NRXN3: variants seen among roughly 807,000 people sequenced by gnomAD.
NRXN3 encodes the protein neurexin III.
Under a neutral mutation model 137.6 loss-of-function variants are expected in NRXN3, and 32 were observed. The ratio of observed to expected loss-of-function variants is 0.23; its 90% confidence interval spans 0.18 to 0.31. The LOEUF (loss-of-function observed/expected upper bound fraction) is 0.31, where lower values mean the gene tolerates loss of function less well. Among genes scored for constraint, NRXN3 ranks in the 10% least tolerant of loss-of-function variants. The pLI is 1.00. For missense variants in NRXN3, 1,574 were observed against 2,062.5 expected, an observed-to-expected ratio of 0.76 and a Z score of 4.59; for synonymous variants, 798 against 784.5, an observed-to-expected ratio of 1.02 and a Z score of -0.29.
At chr14:78,190,052 G>A (rs1008844515) in intron 1 of NRXN3, among the ~76,000 whole-genome samples, 6 of 152,228 alleles carry the variant, frequency 3.9e-5, no homozygotes, top group African/African-American at 1.4e-4. Flanking sequence ...CTGAAGGCTG[G>A]TTGGGGCTTT....
intron 15 of NRXN3, among the ~76,000 whole-genome samples, chr14:79,169,542 T>A (rs1219961920): frequency 6.6e-6 from 1 of 152,132 alleles, no homozygotes; most frequent in Non-Finnish European, 1.5e-5. Context: ...CTTACCTTTG[T>A]CACTTTCGTC....
At chr14:78,392,230 C>A (rs1055804872) in intron 4 of NRXN3, among the ~76,000 whole-genome samples, 1 of 152,202 alleles carries the variant, frequency 6.6e-6, no homozygotes, top group Non-Finnish European at 1.5e-5. Context: ...GCCTAACCAT[C>A]CATGGCTCCA....
At chr14:79,450,805 G>T (rs962224596) in intron 15 of NRXN3, among the ~76,000 whole-genome samples, 1 of 151,944 alleles carries the variant, frequency 6.6e-6, no homozygotes, top group Non-Finnish European at 1.5e-5. Flanking sequence ...GACAGAGGTT[G>T]CAGTGGGCCG....
intron 14 of NRXN3, among the ~76,000 whole-genome samples, chr14:78,977,994 A>G (rs1164345514): frequency 6.6e-6 from 1 of 152,190 alleles, no homozygotes; most frequent in East Asian, 1.9e-4. Flanking sequence ...AAGCCATCTC[A>G]GTCAACCAAT....
chr14:78,174,420 G>A (rs1039865735), intron 1 of NRXN3, among the ~76,000 whole-genome samples: 2 of 152,098 alleles, frequency 1.3e-5, no homozygotes, highest in East Asian at 1.9e-4. Flanking sequence ...TGGGAGGATG[G>A]AACAATGTCT....
chr14:79,318,388 C>A (rs1300914211), intron 15 of NRXN3, among the ~76,000 whole-genome samples: 1 of 152,174 alleles, frequency 6.6e-6, no homozygotes, highest in African/African-American at 2.4e-5. Context: ...GGTCCTGACC[C>A]AGAAACAACA....
At chr14:79,284,343 C>CATATAT (rs60596302) in intron 15 of NRXN3, among the ~76,000 whole-genome samples, 3,720 of 64,788 alleles carry the variant, frequency 0.057, 312 homozygotes, top group Non-Finnish European at 0.071. Flanking sequence ...ACTAAAAATA[C>CATATAT]ATATATATAT....
intron 6 of NRXN3, among the ~76,000 whole-genome samples, chr14:78,707,755 C>T (rs1355349267): frequency 6.6e-6 from 1 of 152,146 alleles, no homozygotes. Flanking sequence ...ATTCTTATGC[C>T]TTTGCGTCTT....
chr14:78,789,311 C>G (rs1218451128), intron 8 of NRXN3, among the ~76,000 whole-genome samples: 2 of 152,090 alleles, frequency 1.3e-5, no homozygotes, highest in African/African-American at 2.4e-5. Context: ...CATTTCTTTC[C>G]ATATGCTCTA....
chr14:78,613,409 C>T (rs186014225), intron 4 of NRXN3, among the ~76,000 whole-genome samples: 4 of 152,062 alleles, frequency 2.6e-5, no homozygotes, highest in Admixed American at 2.6e-4. Flanking sequence ...GAAATTATCC[C>T]CATTATCTCA....
intron 10 of NRXN3, among the ~76,000 whole-genome samples, chr14:78,905,814 T>C (rs2099214360): frequency 6.6e-6 from 1 of 151,990 alleles, no homozygotes; most frequent in Non-Finnish European, 1.5e-5. Context: ...AGAGAATACA[T>C]GAAAATACTA....
chr14:79,557,845 C>T (rs1834242), intron 16 of NRXN3, among the ~76,000 whole-genome samples: 73,962 of 151,892 alleles, frequency 0.49, 20,590 homozygotes, highest in Admixed American at 0.61. Flanking sequence ...TGAAAGTTTT[C>T]TCTGTAGCAT....
intron 15 of NRXN3, among the ~76,000 whole-genome samples, chr14:79,099,939 A>G (rs1240938683): frequency 6.6e-6 from 1 of 152,156 alleles, no homozygotes. Flanking sequence ...GCCGTGATGG[A>G]AGTCTGAAAA....
At chr14:79,070,964 C>G (rs779209456) in intron 15 of NRXN3, among the ~76,000 whole-genome samples, 19 of 152,168 alleles carry the variant, frequency 1.2e-4, no homozygotes, top group Non-Finnish European at 2.2e-4. Flanking sequence ...TGTATTAAGG[C>G]TATGCATAGC....
chr14:79,681,589 G>T (rs1420048957), intron 17 of NRXN3, among the ~76,000 whole-genome samples: 1 of 152,086 alleles, frequency 6.6e-6, no homozygotes, highest in African/African-American at 2.4e-5. Flanking sequence ...GGCTCTTCAA[G>T]CTTCTGCTTA....
chr14:78,462,236 T>C lies in NRXN3; in HGVS notation c.757+164376T>C, dbSNP rs140869643. Among the ~76,000 whole-genome samples, 11 of 152,286 alleles carry C rather than the reference T, an allele frequency of 7.2e-5. No individual in the cohort carries two copies. The East Asian group carries it at 2.1e-3, about 29-fold the overall frequency. On this transcript the variant is annotated intron_variant, in intron 4 of 20. Coordinates refer to ENST00000335750, the MANE Select transcript of NRXN3 (RefSeq NM_001330195.2). The stretch of plus-strand genomic sequence containing the variant: ...CTTGATCCATGGATATCTTCTAAGA[T>C]GGTCATGATAATGTCAGTCTTCAAA...
rs73312588 is a variant in NRXN3, at chr14:78,322,580, A to G, written c.757+24720A>G. 1.5e-3 allele frequency among the ~76,000 whole-genome samples: 235 copies of G among 152,038 alleles called. 4 individuals carry two copies. Among genetic ancestry groups the G allele is most frequent in the African/African-American group, 4.9e-3 (202 of 41,374 alleles). On this transcript the variant is annotated intron_variant, in intron 4 of 20. Coordinates refer to ENST00000335750, the MANE Select transcript of NRXN3 (RefSeq NM_001330195.2). ...CTGTGCTCCATGTGTCACTCTCCCAATGAAAAGACTTTTGATGGCTGCCCC... is the reference window on the plus strand; with the variant it reads ...CTGTGCTCCATGTGTCACTCTCCCAGTGAAAAGACTTTTGATGGCTGCCCC...
intron 15 of NRXN3, among the ~76,000 whole-genome samples, chr14:79,082,239 A>C (rs1158628870): frequency 6.6e-6 from 1 of 152,092 alleles, no homozygotes; most frequent in East Asian, 1.9e-4. Flanking sequence ...GTGTTTTATA[A>C]ATTTATTTGA....
At chr14:78,852,484 T>C (rs2099045299) in intron 10 of NRXN3, among the ~76,000 whole-genome samples, 1 of 152,198 alleles carries the variant, frequency 6.6e-6, no homozygotes, top group South Asian at 2.1e-4. Flanking sequence ...TGTTTTGTTA[T>C]TATCACCGTG....
Sources: allele counts gnomAD v4.1 joint callset (sites outside exome capture counted in the v4.1 genomes callset), GRCh38; gene constraint gnomAD v4.1.1; transcripts MANE v1.5; gene names NCBI Gene and HGNC (gene_info 2026-07-23, HGNC 2026-07-21).